AIG1: variants seen among roughly 807,000 people sequenced by gnomAD.
AIG1 encodes androgen-induced gene 1 protein.
Under a neutral mutation model 31.4 loss-of-function variants are expected in AIG1, and 23 were observed. The observed-to-expected ratio is 0.73, with a 90% CI of 0.53 to 1.04. AIG1 has a LOEUF of 1.04. Ranked by LOEUF, AIG1 falls within the 50% of genes least tolerant of loss-of-function variation. AIG1 has a pLI of 0.00. For missense variants in AIG1, 274 were observed against 295.0 expected, an observed-to-expected ratio of 0.93 and a Z score of 0.52; for synonymous variants, 100 against 110.5, an observed-to-expected ratio of 0.90 and a Z score of 0.60.
At chr6:143,202,458 T>C (rs552596862) in intron 3 of AIG1, among the ~76,000 whole-genome samples, 2 of 152,304 alleles carry the variant, frequency 1.3e-5, no homozygotes, top group African/African-American at 4.8e-5. Context: ...TTGGTTTGAA[T>C]TATAAGACAG....
downstream of AIG1, chr6:143,343,218 G>A (rs549212320): frequency 4.4e-6 from 3 of 682,558 alleles, no homozygotes; most frequent in Admixed American, 5.5e-5. Flanking sequence ...AATGATCCTG[G>A]GACGGAAATT....
intron 3 of AIG1, among the ~76,000 whole-genome samples, chr6:143,213,682 A>G (rs1791775865): frequency 6.9e-6 from 1 of 143,906 alleles, no homozygotes; most frequent in Non-Finnish European, 1.5e-5. Context: ...ACGCCTGACT[A>G]ATTTTTACAT....
At chr6:143,113,920 A>G (rs1431340577) in intron 1 of AIG1, among the ~76,000 whole-genome samples, 1 of 151,682 alleles carries the variant, frequency 6.6e-6, no homozygotes. Flanking sequence ...GACTACAGGC[A>G]CCCACCACCA....
chr6:143,145,932 A>G (rs1202215862), intron 2 of AIG1, among the ~76,000 whole-genome samples: 1 of 152,228 alleles, frequency 6.6e-6, no homozygotes, highest in African/African-American at 2.4e-5. Flanking sequence ...CATTTTTAGT[A>G]CATTCTTACC....
At chr6:143,195,547 A>G (rs1332780738) in intron 3 of AIG1, among the ~76,000 whole-genome samples, 1 of 152,128 alleles carries the variant, frequency 6.6e-6, no homozygotes, top group Non-Finnish European at 1.5e-5. Flanking sequence ...GGCTGCGGGG[A>G]AACGTTGACA....
intron 1 of AIG1, among the ~76,000 whole-genome samples, chr6:143,112,744 G>GAA (rs1781397557): frequency 1.3e-5 from 2 of 152,132 alleles, no homozygotes; most frequent in South Asian, 4.1e-4. Flanking sequence ...TCCTCTCCAG[G>GAA]AAAACTCCTG....
intron 1 of AIG1, 172 bp downstream of exon 1, chr6:143,061,238 C>G (rs1412777771): frequency 1.2e-6 from 1 of 833,024 alleles, no homozygotes; most frequent in East Asian, 2.8e-5. Flanking sequence ...GGCCTGGCTG[C>G]CCCCGCAGCG....
upstream of AIG1, chr6:143,060,693 G>A (rs1166639456): frequency 9.0e-6 from 4 of 446,350 alleles, no homozygotes; most frequent in Non-Finnish European, 1.9e-5. Flanking sequence ...GCCAGGCCGC[G>A]GCCGGCAGTG....
At chr6:143,143,537 A>G (rs1197556307) in intron 2 of AIG1, among the ~76,000 whole-genome samples, 2 of 118,360 alleles carry the variant, frequency 1.7e-5, no homozygotes, top group Admixed American at 1.7e-4. Context: ...AAATATATAT[A>G]TATATATATA....
At chr6:143,104,244 A>G (rs899727966) in intron 1 of AIG1, among the ~76,000 whole-genome samples, 17 of 152,234 alleles carry the variant, frequency 1.1e-4, no homozygotes, top group African/African-American at 4.1e-4. Context: ...AATTAAAAAT[A>G]GAAACATTGA....
intron 4 of AIG1, among the ~76,000 whole-genome samples, chr6:143,285,431 G>T (rs1217692136): frequency 6.6e-6 from 1 of 151,150 alleles, no homozygotes; most frequent in Admixed American, 6.6e-5. Context: ...GGACGCCCAG[G>T]CAGGCAGATC....
At position 143,326,384 on chromosome 6, in the gene AIG1, A is replaced by G. The variant is rs1000608991; in HGVS notation, c.516-6898A>G. The stretch of plus-strand genomic sequence containing the variant: ...TTTGGCTAGAAAGTTCTTTCCTCCC[A>G]TCTTTACTCAATGAATTCTTATCCT... On this transcript the variant is annotated intron_variant, in intron 4 of 5. Transcript: ENST00000357847. This position sits in a 1 kb window ranked among gnomAD's most constrained non-coding sequence, Gnocchi z 4.5. Among the ~76,000 whole-genome samples the G allele has an allele frequency of 1.4e-4, 22 of 152,010 alleles. No individual in the cohort carries two copies. Among genetic ancestry groups the G allele is most frequent in the Non-Finnish European group, 2.9e-4 (20 of 67,998 alleles).
chr6:143,119,093 C>T lies in AIG1; in HGVS notation c.142-17742C>T, dbSNP rs1782011624. ...TTCATCATGTTGCCCAGGCTGGTCT[C>T]GAACTTCTAGGCCCAAGGGATCCAC... On this transcript the variant is annotated intron_variant, in intron 1 of 5. Transcript: ENST00000357847. Among the ~76,000 whole-genome samples, 3 of 151,988 alleles carry T rather than the reference C, an allele frequency of 2.0e-5. No individual in the cohort carries two copies. The South Asian group carries it at 6.2e-4, about 32-fold the overall frequency.
At chr6:143,261,029 T>C (rs6935733) in intron 3 of AIG1, among the ~76,000 whole-genome samples, 8,399 of 151,966 alleles carry the variant, frequency 0.055, 585 homozygotes, top group African/African-American at 0.16. Context: ...ACTCCCAGAG[T>C]TTCAAACCCA....
chr6:143,334,084 C>T lies in AIG1; in HGVS notation c.679+639C>T. The T allele has an allele frequency of 3.9e-6, 6 of 1,550,434 alleles. No homozygotes were observed. Among genetic ancestry groups the T allele is most frequent in the Non-Finnish European group, 5.2e-6 (6 of 1,146,938 alleles). On this transcript the variant is annotated intron_variant, in intron 5 of 5. Coordinates refer to ENST00000357847, the MANE Select transcript of AIG1 (RefSeq NM_016108.4). This position sits in a 1 kb window ranked among gnomAD's most constrained non-coding sequence, Gnocchi z 5.1. ...TTGTTTCCATTTATGGCAGAGCCTC[C>T]ATCTTGGCAAGGCACGTAATCTTAT...
At chr6:143,302,163 T>C (rs2128698413) in intron 4 of AIG1, among the ~76,000 whole-genome samples, 1 of 152,166 alleles carries the variant, frequency 6.6e-6, no homozygotes, top group East Asian at 1.9e-4. Flanking sequence ...CTTTTTTTTT[T>C]CAGAGAAACT....
Position 143,181,434 on chromosome 6 carries a change from T to C in AIG1, c.399+16251T>C, listed in dbSNP as rs74566815. ...CATAAGCTTTTTTCTTATCAAATTT[T>C]ATGGATGATGATAGCTTCTTCCATT... On this transcript the variant is annotated intron_variant, in intron 3 of 5. Coordinates refer to ENST00000357847, the MANE Select transcript of AIG1 (RefSeq NM_016108.4). Among the ~76,000 whole-genome samples the C allele has an allele frequency of 5.3e-3, 800 of 152,342 alleles. 8 individuals carry two copies. The highest frequency in any genetic ancestry group is 0.018 in the African/African-American group (751 of 41,580).
At chr6:143,217,213 A>G (rs1792097311) in intron 3 of AIG1, among the ~76,000 whole-genome samples, 1 of 152,152 alleles carries the variant, frequency 6.6e-6, no homozygotes, top group Non-Finnish European at 1.5e-5. Flanking sequence ...TAATTTTGTG[A>G]GCCCCAGTCA....
Position 143,271,069 on chromosome 6 carries a change from A to G in AIG1, c.400-13041A>G, listed in dbSNP as rs561572819. ...TCAGACTAGTCCAAAACCCCTCTGAACTAATTCTAATCAACTTGGAAGCCA... is the reference window on the plus strand; with the variant it reads ...TCAGACTAGTCCAAAACCCCTCTGAGCTAATTCTAATCAACTTGGAAGCCA... On this transcript the variant is annotated intron_variant, in intron 3 of 5. Coordinates refer to ENST00000357847, the MANE Select transcript of AIG1 (RefSeq NM_016108.4). Among the ~76,000 whole-genome samples the G allele has an allele frequency of 1.0e-3, 153 of 152,326 alleles. 1 individual carries two copies. Among genetic ancestry groups the G allele is most frequent in the African/African-American group, 3.6e-3 (151 of 41,562 alleles).
Sources: gnomAD v4.1 joint callset for allele counts (sites outside exome capture counted in the v4.1 genomes callset) on GRCh38, gnomAD v4.1.1 for gene constraint, Gnocchi (gnomAD v3.1) non-coding constraint, MANE v1.5 for transcripts, NCBI Gene and HGNC (gene_info 2026-07-23, HGNC 2026-07-21) for gene names.